Variants in SPATA16 observed in about 807,000 individuals in gnomAD.
SPATA16 encodes the protein spermatogenesis-associated protein 16.
Under a neutral mutation model 63.3 loss-of-function variants are expected in SPATA16, and 36 were observed. The observed-to-expected ratio is 0.57, with a 90% CI of 0.44 to 0.75. The LOEUF (loss-of-function observed/expected upper bound fraction) is 0.75. Ranked by LOEUF, SPATA16 falls within the 30% of genes least tolerant of loss-of-function variation. SPATA16 has a pLI of 0.00. For synonymous variants in SPATA16, 203 were observed against 216.7 expected (o/e 0.94, Z 0.56); for missense variants, 646 against 679.3 (o/e 0.95, Z 0.54).
chr3:172,937,560 G>T (rs7612017), intron 6 of SPATA16, among the ~76,000 whole-genome samples: 1 of 151,928 alleles, frequency 6.6e-6, no homozygotes, highest in African/African-American at 2.4e-5. Flanking sequence ...AGCACCCAAA[G>T]TCTCTCAAGG....
At chr3:172,931,113 C>T (rs747268478) in intron 6 of SPATA16, among the ~76,000 whole-genome samples, 1 of 152,070 alleles carries the variant, frequency 6.6e-6, no homozygotes. Context: ...CGTGAGCCAC[C>T]GTGCTCGGCC....
intron 5 of SPATA16, among the ~76,000 whole-genome samples, chr3:172,957,090 C>T (rs182465365): frequency 1.7e-3 from 264 of 152,180 alleles, no homozygotes; most frequent in African/African-American, 6.1e-3. Context: ...AATATAAATT[C>T]TGTTTCCTAA....
intron 3 of SPATA16, among the ~76,000 whole-genome samples, chr3:173,028,067 C>CTTCCTTCT (rs1553794857): frequency 5.7e-5 from 6 of 104,418 alleles, no homozygotes; most frequent in Admixed American, 1.0e-4. Context: ...TCCTTCCTTC[C>CTTCCTTCT]TTCCTTCCTT....
intron 10 of SPATA16, among the ~76,000 whole-genome samples, chr3:172,897,504 T>C (rs1201422448): frequency 6.6e-6 from 1 of 152,172 alleles, no homozygotes; most frequent in African/African-American, 2.4e-5. Context: ...TTCATGTAGA[T>C]GTTTTGCTAG....
chr3:172,925,514 A>G (rs1732708845), intron 6 of SPATA16, 22 bp from the exon 7 acceptor site: 1 of 1,613,904 alleles, frequency 6.2e-7, no homozygotes, highest in Non-Finnish European at 8.5e-7. Flanking sequence ...CAGAAAGAGA[A>G]CTAAGAGGCT....
At chr3:172,974,539 G>C (rs36026971) in intron 5 of SPATA16, among the ~76,000 whole-genome samples, 2 of 151,686 alleles carry the variant, frequency 1.3e-5, no homozygotes, top group African/African-American at 4.8e-5. Context: ...TTAGGGATTC[G>C]AATGTATACA....
intron 2 of SPATA16, among the ~76,000 whole-genome samples, chr3:173,086,282 T>G (rs1299502946): frequency 6.6e-6 from 1 of 152,148 alleles, no homozygotes; most frequent in Non-Finnish European, 1.5e-5. Flanking sequence ...ATCTAGGAAT[T>G]TATCCATTTC....
At chr3:173,026,175 C>T (rs79658492) in intron 3 of SPATA16, among the ~76,000 whole-genome samples, 4,166 of 151,994 alleles carry the variant, frequency 0.027, 90 homozygotes, top group Middle Eastern at 0.088. Flanking sequence ...GTTTGCATTT[C>T]CCTAGTAACT....
intron 2 of SPATA16, among the ~76,000 whole-genome samples, chr3:173,070,859 C>T (rs951444655): frequency 2.0e-5 from 3 of 152,106 alleles, no homozygotes; most frequent in African/African-American, 7.2e-5. Flanking sequence ...TTTGGAACAA[C>T]CAATATGGTT....
intron 3 of SPATA16, among the ~76,000 whole-genome samples, chr3:173,035,939 A>G (rs1004667802): frequency 6.6e-6 from 1 of 151,012 alleles, no homozygotes; most frequent in African/African-American, 2.5e-5. Flanking sequence ...ATTCTTTACC[A>G]TTATGGACAC....
At chr3:173,112,789 G>T (rs747333492) in intron 2 of SPATA16, among the ~76,000 whole-genome samples, 3 of 152,148 alleles carry the variant, frequency 2.0e-5, no homozygotes, top group Non-Finnish European at 4.4e-5. Flanking sequence ...TGAAAGTTCT[G>T]GTTGGTAATG....
intron 4 of SPATA16, among the ~76,000 whole-genome samples, chr3:172,991,760 G>A (rs932302829): frequency 1.3e-5 from 2 of 152,096 alleles, no homozygotes; most frequent in African/African-American, 4.8e-5. Context: ...TCTATACACA[G>A]TTCCTTAGGT....
chr3:172,961,701 GACTT>G (rs1459932011), intron 5 of SPATA16, among the ~76,000 whole-genome samples: 1 of 151,948 alleles, frequency 6.6e-6, no homozygotes, highest in East Asian at 1.9e-4. Context: ...GCCTTCTAAG[GACTT>G]ATTAAATGAC....
At position 173,076,101 on chromosome 3, in the gene SPATA16, G is replaced by T. The variant is rs574068025; in HGVS notation, c.613-27007C>A. Among the ~76,000 whole-genome samples the T allele has an allele frequency of 3.3e-5, 5 of 152,026 alleles. No homozygotes were observed. In the East Asian group the frequency reaches 7.7e-4, roughly 23 times the overall value. On this transcript the variant is annotated intron_variant, in intron 2 of 10. Coordinates refer to ENST00000351008, the MANE Select transcript of SPATA16 (RefSeq NM_031955.6). ...AAAAGTAAACAAGAAGGAAGAAGCA[G>T]GTTTAGCACATCTTATCACAAGACA... is the stretch of plus-strand genomic sequence containing the variant.
At chr3:173,139,284 T>C (rs376511890) in intron 1 of SPATA16, among the ~76,000 whole-genome samples, 114 of 152,350 alleles carry the variant, frequency 7.5e-4, no homozygotes, top group Middle Eastern at 3.4e-3. Context: ...CTCATGCTCA[T>C]TCATTGCATA....
intron 5 of SPATA16, among the ~76,000 whole-genome samples, chr3:172,973,990 C>A (rs2108248748): frequency 6.6e-6 from 1 of 152,262 alleles, no homozygotes; most frequent in East Asian, 1.9e-4. Flanking sequence ...TGTGCAAACA[C>A]TTATTCAAAG....
intron 2 of SPATA16, among the ~76,000 whole-genome samples, chr3:173,055,417 T>C (rs1249213108): frequency 6.6e-6 from 1 of 152,124 alleles, no homozygotes; most frequent in Non-Finnish European, 1.5e-5. Context: ...AACCAGTACA[T>C]CCATACTAAG....
chr3:172,929,204 A>G (rs1376487310), intron 6 of SPATA16, among the ~76,000 whole-genome samples: 1 of 152,186 alleles, frequency 6.6e-6, no homozygotes, highest in Admixed American at 6.5e-5. Context: ...TGGAGATGAA[A>G]TTTATATGAC....
At chr3:172,965,822 C>T (rs551420246) in intron 5 of SPATA16, among the ~76,000 whole-genome samples, 42 of 152,204 alleles carry the variant, frequency 2.8e-4, no homozygotes, top group Admixed American at 2.5e-3. Flanking sequence ...GTGATCCGCC[C>T]GCCTAGGCCT....
Sources: allele counts gnomAD v4.1 joint callset (sites outside exome capture counted in the v4.1 genomes callset), GRCh38; gene constraint gnomAD v4.1.1; transcripts MANE v1.5; gene names NCBI Gene and HGNC (gene_info 2026-07-23, HGNC 2026-07-21).